The following NAGA variants were observed in gnomAD, a reference collection of about 807,000 sequenced individuals.
NAGA encodes the protein Acetylgalactosaminidase, alpha-N- (alpha-galactosidase B).
NAGA carries 42 observed loss-of-function variants against 45.6 expected under a neutral mutation model. The ratio of observed to expected loss-of-function variants is 0.92; its 90% CI spans 0.72 to 1.19. The LOEUF (loss-of-function observed/expected upper bound fraction) is 1.19. Ranked by LOEUF, NAGA falls within the 50% of genes most tolerant of loss-of-function variation. The pLI is 0.00. For missense variants in NAGA, 493 were observed against 544.8 expected (o/e 0.90, Z 0.95); for synonymous variants, 176 against 203.1 (o/e 0.87, Z 1.13).
At chr22:42,067,995 C>T in intron 2 of NAGA, 59 bp from the exon 3 acceptor site, 3 of 1,490,930 alleles carry the variant, frequency 2.0e-6, no homozygotes, top group Non-Finnish European at 2.8e-6. Context: ...TCACCCACAC[C>T]CTGCCTCAGC....
intron 7 of NAGA, among the ~76,000 whole-genome samples, chr22:42,061,873 A>G (rs906954095): frequency 1.4e-5 from 2 of 144,048 alleles, no homozygotes; most frequent in African/African-American, 5.2e-5. Flanking sequence ...AATCGCTTGA[A>G]CCTGGGAGCC....
At chr22:42,070,178 G>A in intron 1 of NAGA, 104 bp downstream of exon 1, 1 of 1,307,658 alleles carries the variant, frequency 7.6e-7, no homozygotes, top group Non-Finnish European at 1.1e-6. Flanking sequence ...GTAAAAGAGA[G>A]AGGAACCTGT....
chr22:42,065,762 AG>A lies in NAGA; in HGVS notation c.734del (p.Pro245LeufsTer19). The A allele has an allele frequency of 6.2e-7, 1 of 1,614,134 alleles. No homozygotes were observed. The highest frequency in any genetic ancestry group is 8.5e-7 in the Non-Finnish European group (1 of 1,180,032). On this transcript the variant is annotated frameshift_variant, in exon 6 of 9. Coordinates refer to ENST00000396398, the MANE Select transcript of NAGA (RefSeq NM_000262.3). LOFTEE classifies it high-confidence loss of function. ...CCATGTCAGGGTCATTCCAGTGCCC[AG>A]GGCCGGCCACTGGCTGCAGTATGTC... ...HQDILQPVAGPGHWNDPDMLL... is the reference protein window; with the variant it reads ...HQDILQPVAGXGHWNDPDMLL...
Position 42,058,755 on chromosome 22 carries a change from C to T in NAGA, c.*1524G>A, listed in dbSNP as rs1468864880. ...GGTCTCAACTCATTTCCCACAAAGCCTTCCTGGAGCTAGCAAGAGAAGGTG... is the reference window on the plus strand; with the variant it reads ...GGTCTCAACTCATTTCCCACAAAGCTTTCCTGGAGCTAGCAAGAGAAGGTG... On this transcript the variant is annotated 3_prime_UTR_variant, in exon 9 of 9. Transcript: ENST00000396398. 6.6e-6 allele frequency: 1 copy of T among 152,340 alleles called. No homozygotes were observed. Among genetic ancestry groups the T allele is most frequent in the African/African-American group, 2.4e-5 (1 of 41,466 alleles). 9.4% of individuals were successfully genotyped at this position (152,340 alleles called of 1,614,324 possible). A position where few individuals can be genotyped will look rare whatever the true frequency, so the allele number is the denominator to read the frequency against.
In NAGA at chr22:42,070,498, G is replaced by T. The variant is rs892064304; in HGVS notation, c.-201C>A. 1.9e-5 allele frequency: 13 copies of T among 675,826 alleles called. No individual in the cohort carries two copies. Among genetic ancestry groups the T allele is most frequent in the African/African-American group, 1.8e-4 (10 of 56,550 alleles). The allele number at this position is 675,826 out of a possible 1,614,324, so 41.9% of individuals were successfully genotyped here. Reference sequence around the variant, plus strand: ...GCCCCATCCCCAGCCATCACTTCCCGGAGCTTCAGTTCTTCCTTCAGAAAT... The same window carrying T: ...GCCCCATCCCCAGCCATCACTTCCCTGAGCTTCAGTTCTTCCTTCAGAAAT... On this transcript the variant is annotated 5_prime_UTR_variant, in exon 1 of 9. Transcript: ENST00000396398.
chr22:42,067,072 T>A (rs752021203), intron 4 of NAGA, 41 bp downstream of exon 4: 64 of 1,610,808 alleles, frequency 4.0e-5, no homozygotes, highest in Non-Finnish European at 4.9e-5. Flanking sequence ...ATGGCCACCC[T>A]CCCCGTTTGC....
intron 6 of NAGA, among the ~76,000 whole-genome samples, chr22:42,065,321 G>T (rs1009665182): frequency 6.6e-6 from 1 of 152,222 alleles, no homozygotes; most frequent in Admixed American, 6.5e-5. Flanking sequence ...GACTGTGAGG[G>T]CCAGTTGTCC....
rs1926754375 is a variant in NAGA, at chr22:42,066,719, G to A, written c.588C>T (p.Leu196=). The change falls in exon 5 of 9, where the codon CTC becomes CTT. Residue 196 remains leucine, a synonymous_variant. Transcript: ENST00000396398. ...GGGCAGAATGGCTTACCCTTGGGGG[G>A]AGGCCGCCTTCATAGGCTGGCCAGC... The part of the protein sequence containing the change: ...SCSWPAYEGG[L]PPRVNYSLLA... The A allele has an allele frequency of 5.0e-6, 8 of 1,599,688 alleles. No homozygotes were observed. The highest frequency in any genetic ancestry group is 2.3e-5 in the East Asian group (1 of 44,270).
Position 42,067,757 on chromosome 22 carries a change from C to T in NAGA, c.324+8G>A, listed in dbSNP as rs367928319. 1.2e-5 allele frequency: 20 copies of T among 1,610,538 alleles called. No individual in the cohort carries two copies. In the African/African-American group the frequency reaches 1.6e-4, roughly 13 times the overall value. On this transcript the variant is annotated splice_region_variant and intron_variant, in intron 3 of 8. Transcript: ENST00000396398. ...TGAGGCCAAGGGCAGGGCTGGGGTG[C>T]GGCTCACGTAGTCAGCCAGGAAAGG...
rs578224811 is a variant in NAGA at position 42,070,367 on chromosome 22, C to G, written c.-70G>C. 4 of 1,595,324 alleles carry G rather than the reference C, an allele frequency of 2.5e-6. No homozygotes were observed. In the South Asian group the frequency reaches 3.3e-5, roughly 13 times the overall value. On this transcript the variant is annotated 5_prime_UTR_variant, in exon 1 of 9. Coordinates refer to ENST00000396398, the MANE Select transcript of NAGA (RefSeq NM_000262.3). ...GTGTATCAGCTGTATGTGTTGGGCTCTGGAAGCTAAGAAACGTCTGAAAAG... is the reference window on the plus strand; with the variant it reads ...GTGTATCAGCTGTATGTGTTGGGCTGTGGAAGCTAAGAAACGTCTGAAAAG...
chr22:42,070,358 T>C lies in NAGA; in HGVS notation c.-61A>G. 6.2e-7 allele frequency: 1 copy of C among 1,602,828 alleles called. No individual in the cohort carries two copies. Among genetic ancestry groups the C allele is most frequent in the Non-Finnish European group, 8.5e-7 (1 of 1,169,786 alleles). On this transcript the variant is annotated 5_prime_UTR_variant, in exon 1 of 9. Transcript: ENST00000396398. ...CTGGTCTGCGTGTATCAGCTGTATGTGTTGGGCTCTGGAAGCTAAGAAACG... is the reference window on the plus strand; with the variant it reads ...CTGGTCTGCGTGTATCAGCTGTATGCGTTGGGCTCTGGAAGCTAAGAAACG...
At chr22:42,068,315 G>T in intron 2 of NAGA, 124 bp downstream of exon 2, 1 of 1,491,312 alleles carries the variant, frequency 6.7e-7, no homozygotes, top group Non-Finnish European at 9.3e-7. Flanking sequence ...AGTGACTTCT[G>T]GCTGCAGTCT....
chr22:42,062,947 G>T lies in NAGA; in HGVS notation c.837C>A (p.Pro279=), dbSNP rs149066012. 163 of 1,614,168 alleles carry T rather than the reference G, an allele frequency of 1.0e-4. No individual in the cohort carries two copies. In the African/African-American group the frequency reaches 1.8e-3, roughly 18 times the overall value. ...QMALWTVLAA[P]LLMSTDLRTI... Reference sequence around the variant, plus strand: ...TACGCAGGTCTGTGGACATCAAGAGGGGGGCTGCCAGCACCGTCCACAGGG... The same window carrying T: ...TACGCAGGTCTGTGGACATCAAGAGTGGGGCTGCCAGCACCGTCCACAGGG... The change falls in exon 7 of 9, where the codon CCC becomes CCA. Residue 279 remains proline (P), a synonymous_variant. Transcript: ENST00000396398.
chr22:42,061,527 C>T (rs1926392863), intron 7 of NAGA, among the ~76,000 whole-genome samples: 1 of 152,182 alleles, frequency 6.6e-6, no homozygotes, highest in Non-Finnish European at 1.5e-5. Flanking sequence ...AGAAGGTTTT[C>T]CAGGCCCAGC....
intron 1 of NAGA, among the ~76,000 whole-genome samples, chr22:42,070,004 T>C (rs898936087): frequency 6.6e-6 from 1 of 152,184 alleles, no homozygotes; most frequent in African/African-American, 2.4e-5. Flanking sequence ...ATCTGTAATA[T>C]GGAGTTACTG....
At position 42,066,789 on chromosome 22, in the gene NAGA, G is replaced by A; in HGVS notation, c.518C>T (p.Ala173Val). The change falls in exon 5 of 9, where the codon GCT becomes GTT. Residue 173 changes from alanine (A) to valine (V), a missense_variant. Physicochemically the swap from Ala to Val is moderately conservative, Grantham distance 64. Coordinates refer to ENST00000396398, the MANE Select transcript of NAGA (RefSeq NM_000262.3). The part of the protein sequence containing the change: ...EERAQGYPKM[A>V]AALNATGRPI... ...GCGGCCTGTGGCATTCAGGGCAGCA[G>A]CCATCTTGGGGTACCCTAGAGAAAG... 1.2e-6 allele frequency: 2 copies of A among 1,606,068 alleles called. No homozygotes were observed. Among genetic ancestry groups the A allele is most frequent in the Non-Finnish European group, 1.7e-6 (2 of 1,176,468 alleles).
intron 1 of NAGA, among the ~76,000 whole-genome samples, chr22:42,069,256 T>C (rs133370): frequency 0.62 from 94,297 of 151,820 alleles, 29,866 homozygotes; most frequent in East Asian, 0.85. Flanking sequence ...AAGAAAATAT[T>C]ATGTCAAAAA....
chr22:42,063,451 C>G (rs566451099), intron 6 of NAGA, among the ~76,000 whole-genome samples: 3 of 152,044 alleles, frequency 2.0e-5, no homozygotes, highest in Non-Finnish European at 4.4e-5. Context: ...AATAGCCAGA[C>G]AACCATGGCA....
Position 42,068,500 on chromosome 22 carries a change from G to C in NAGA, c.91C>G (p.Leu31Val), listed in dbSNP as rs1036331863. 9 of 1,614,034 alleles carry C rather than the reference G, an allele frequency of 5.6e-6. No individual in the cohort carries two copies. The highest frequency in any genetic ancestry group is 1.7e-5 in the Admixed American group (1 of 59,986). ...GLLQTPPMGW[L>V]AWERFRCNIN... Reference sequence around the variant, plus strand: ...TTGCAGCGGAAGCGTTCCCAGGCCAGCCAGCCCATGGGTGGTGTCTGCAGG... The same window carrying C: ...TTGCAGCGGAAGCGTTCCCAGGCCACCCAGCCCATGGGTGGTGTCTGCAGG... Residue 31 changes from leucine (L) to valine (V), a missense_variant, in exon 2 of 9, where the codon CTG becomes GTG. Physicochemically the swap from Leu to Val is conservative, Grantham distance 32. Transcript: ENST00000396398.
Sources: gnomAD v4.1 joint callset for allele counts (sites outside exome capture counted in the v4.1 genomes callset) on GRCh38, gnomAD v4.1.1 for gene constraint, MANE v1.5 for transcripts, NCBI Gene and HGNC (gene_info 2026-07-23, HGNC 2026-07-21) for gene names.